Variants in PPL observed in about 807,000 individuals in gnomAD.
PPL encodes the protein periplakin.
Under a neutral mutation model 194.4 loss-of-function variants are expected in PPL, and 198 were observed. The ratio of observed to expected loss-of-function variants is 1.02; its 90% confidence interval spans 0.91 to 1.15. The LOEUF (loss-of-function observed/expected upper bound fraction) is 1.15. PPL is among the 50% of genes most tolerant of loss of function. The pLI is 0.00. For synonymous variants in PPL, 1,220 were observed against 972.4 expected, an observed-to-expected ratio of 1.25 and a Z score of -4.74; for missense variants, 2,885 against 2,294.8, an observed-to-expected ratio of 1.26 and a Z score of -5.25.
chr16:4,909,755 G>C (rs1366837702), intron 2 of PPL, among the ~76,000 whole-genome samples: 1 of 152,140 alleles, frequency 6.6e-6, no homozygotes, highest in Non-Finnish European at 1.5e-5. Flanking sequence ...AGTCGCCCCT[G>C]CATAGGGATG....
chr16:4,913,515 AG>A (rs1675811487), intron 1 of PPL, among the ~76,000 whole-genome samples: 2 of 152,200 alleles, frequency 1.3e-5, no homozygotes, highest in Admixed American at 1.3e-4. Context: ...TTAGTTGTCA[AG>A]GAGCCTTAGA....
intron 1 of PPL, among the ~76,000 whole-genome samples, chr16:4,924,150 A>G (rs2089110743): frequency 6.6e-6 from 1 of 152,244 alleles, no homozygotes; most frequent in Admixed American, 6.5e-5. Flanking sequence ...CCTGAGCCAC[A>G]CAGAATTTAC....
rs1309100067 is a variant in PPL at position 4,897,685 on chromosome 16, T to TA, written c.961_962insT (p.Asp321ValfsTer30). 6.2e-7 allele frequency: 1 copy of TA among 1,612,844 alleles called. No homozygotes were observed. Among genetic ancestry groups the TA allele is most frequent in the Non-Finnish European group, 8.5e-7 (1 of 1,179,364 alleles). ...AGGAAAGGTAAGTACCTGGTGGTAG[T>TA]CCTCCATGTACTTGAGGTGGCTCTC... On this transcript the variant is annotated frameshift_variant, in exon 9 of 22. Coordinates refer to ENST00000345988, the MANE Select transcript of PPL (RefSeq NM_002705.5). LOFTEE classifies it high-confidence loss of function.
Position 4,885,652 on chromosome 16 carries a change from C to A in PPL, c.3003G>T (p.Glu1001Asp), listed in dbSNP as rs769511018. Residue 1001 changes from glutamate (E) to aspartate (D), a missense_variant, in exon 22 of 22, where the codon GAG becomes GAT. Transcript: ENST00000345988. The surrounding 1 kb of genome is among the most constrained non-coding windows in gnomAD (Gnocchi z 6.3). ...CCTCATCCGCCTGGGCCCTGTCAGG[C>A]TCGATGCGCAGGACCTCCTTGACCA... ...EYVVKEVLRIEPDRAQADEVL... is the reference protein window; with the variant it reads ...EYVVKEVLRIDPDRAQADEVL... 16 of 1,613,004 alleles carry A rather than the reference C, an allele frequency of 9.9e-6. No homozygotes were observed. The South Asian group carries it at 1.6e-4, about 17-fold the overall frequency.
intron 2 of PPL, among the ~76,000 whole-genome samples, 167 bp downstream of exon 2, chr16:4,910,683 G>A (rs564227532): frequency 3.3e-5 from 5 of 152,266 alleles, no homozygotes; most frequent in African/African-American, 9.6e-5. Context: ...CCAACTGGAC[G>A]CCAGGAGGAC....
At chr16:4,928,914 G>C (rs566538341) in intron 1 of PPL, among the ~76,000 whole-genome samples, 1 of 150,520 alleles carries the variant, frequency 6.6e-6, no homozygotes, top group East Asian at 2.0e-4. Flanking sequence ...GGGAGGCTGA[G>C]GCAGGAGAAT....
chr16:4,927,927 T>C (rs1044938487), intron 1 of PPL, among the ~76,000 whole-genome samples: 1 of 152,206 alleles, frequency 6.6e-6, no homozygotes, highest in Non-Finnish European at 1.5e-5. Flanking sequence ...CAAGACCCTA[T>C]TTCTACCAAA....
At chr16:4,909,811 C>T (rs1379687898) in intron 2 of PPL, among the ~76,000 whole-genome samples, 1 of 152,188 alleles carries the variant, frequency 6.6e-6, no homozygotes, top group Admixed American at 6.6e-5. Context: ...TTCAGATAAA[C>T]AATAAATAAT....
intron 18 of PPL, 108 bp downstream of exon 18, chr16:4,890,076 T>C: frequency 1.3e-6 from 2 of 1,517,620 alleles, no homozygotes; most frequent in Admixed American, 1.7e-5. Context: ...GTGGCAGGCC[T>C]CTGCCCTGCT....
At position 4,883,400 on chromosome 16, in the gene PPL, AC is replaced by A. The variant is rs1485464759; in HGVS notation, c.5254del (p.Val1752TyrfsTer14). On this transcript the variant is annotated frameshift_variant, in exon 22 of 22. Coordinates refer to ENST00000345988, the MANE Select transcript of PPL (RefSeq NM_002705.5). LOFTEE classifies it high-confidence loss of function. The surrounding 1 kb of genome is among the most constrained non-coding windows in gnomAD (Gnocchi z 4.8). ...DMSIQELAVL[V>X]SGQK ...GAGCTGTGCCTACTTCTGCCCAGATACCAAGACCGCCAGCTCCTGGATGGAC... is the reference window on the plus strand; with the variant it reads ...GAGCTGTGCCTACTTCTGCCCAGATACAAGACCGCCAGCTCCTGGATGGAC... The A allele has an allele frequency of 7.4e-6, 12 of 1,613,942 alleles. No homozygotes were observed. The highest frequency in any genetic ancestry group is 1.0e-5 in the Non-Finnish European group (12 of 1,180,036).
intron 1 of PPL, among the ~76,000 whole-genome samples, chr16:4,918,557 A>C (rs1367907465): frequency 6.6e-6 from 1 of 152,212 alleles, no homozygotes; most frequent in African/African-American, 2.4e-5. Context: ...TTACAACTTT[A>C]AGTGAGTGAA....
intron 19 of PPL, 66 bp from the exon 20 acceptor site, chr16:4,888,284 G>A: frequency 8.6e-7 from 1 of 1,169,518 alleles, no homozygotes; most frequent in Non-Finnish European, 1.3e-6. Flanking sequence ...ACATGTTCCT[G>A]TACCCCTTCA....
intron 6 of PPL, among the ~76,000 whole-genome samples, chr16:4,899,632 G>A (rs1181350682): frequency 6.6e-6 from 1 of 152,132 alleles, no homozygotes; most frequent in Non-Finnish European, 1.5e-5. Flanking sequence ...TCTACTACAT[G>A]CTGGACATGG....
At chr16:4,909,248 G>A (rs1334180172) in intron 2 of PPL, among the ~76,000 whole-genome samples, 2 of 152,050 alleles carry the variant, frequency 1.3e-5, no homozygotes, top group Admixed American at 6.5e-5. Flanking sequence ...CCACCTACCC[G>A]CTTGGGTCTC....
At chr16:4,934,751 C>T (rs1327035346) in intron 1 of PPL, among the ~76,000 whole-genome samples, 1 of 152,198 alleles carries the variant, frequency 6.6e-6, no homozygotes, top group Non-Finnish European at 1.5e-5. Flanking sequence ...CTCCACCCCC[C>T]CACCAAGACA....
chr16:4,921,031 G>A (rs764530439), intron 1 of PPL, among the ~76,000 whole-genome samples: 6 of 152,224 alleles, frequency 3.9e-5, no homozygotes, highest in Non-Finnish European at 8.8e-5. Flanking sequence ...GTCAGGGGCT[G>A]CCTGCTAGAT....
At chr16:4,898,067 G>A (rs991930988) in intron 8 of PPL, among the ~76,000 whole-genome samples, 5 of 152,172 alleles carry the variant, frequency 3.3e-5, no homozygotes, top group Admixed American at 6.5e-5. Context: ...GTCATGGACC[G>A]AACAGTGTCC....
Position 4,882,595 on chromosome 16 carries a change from G to GAGAT in PPL, c.*785_*788dup, listed in dbSNP as rs1365763421. On this transcript the variant is annotated 3_prime_UTR_variant, in exon 22 of 22. Transcript: ENST00000345988. The stretch of plus-strand genomic sequence containing the variant: ...GTTCCCATTTTCTTATGTTCTACAT[G>GAGAT]AGATACAGAGACCCAGATATTGGCG... The GAGAT allele has an allele frequency of 6.6e-6, 1 of 152,184 alleles. No individual in the cohort carries two copies. Among genetic ancestry groups the GAGAT allele is most frequent in the East Asian group, 1.9e-4 (1 of 5,202 alleles). 9.4% of individuals were successfully genotyped at this position (152,184 alleles called of 1,614,324 possible).
At chr16:4,886,502 C>G (rs759395771) in intron 21 of PPL, among the ~76,000 whole-genome samples, 34 of 152,268 alleles carry the variant, frequency 2.2e-4, no homozygotes, top group Non-Finnish European at 4.6e-4. Context: ...GCTCTCTGGA[C>G]AGACCGCAGT....
Sources: gnomAD v4.1 joint callset for allele counts (sites outside exome capture counted in the v4.1 genomes callset) on GRCh38, gnomAD v4.1.1 for gene constraint, Gnocchi (gnomAD v3.1) non-coding constraint, MANE v1.5 for transcripts, NCBI Gene and HGNC (gene_info 2026-07-23, HGNC 2026-07-21) for gene names.